Variants in LRP1B observed in about 807,000 individuals in gnomAD.
The protein encoded by LRP1B is LDL receptor related protein 1B.
A neutral mutation model predicts 556.6 loss-of-function variants in LRP1B; 217 were observed. The ratio of observed to expected loss-of-function variants is 0.39; its 90% CI spans 0.35 to 0.44. The LOEUF (loss-of-function observed/expected upper bound fraction) is 0.44, where lower values mean the gene tolerates loss of function less well. Among genes scored for constraint, LRP1B ranks in the 20% least tolerant of loss-of-function variants. LRP1B has a pLI of 1.00. For missense variants in LRP1B, 5,053 were observed against 5,620.8 expected, an observed-to-expected ratio of 0.90 and a Z score of 3.23; for synonymous variants, 2,047 against 1,865.8, an observed-to-expected ratio of 1.10 and a Z score of -2.50.
In LRP1B at chr2:141,566,811, A is replaced by T. The variant is rs374096579; in HGVS notation, c.206-86278T>A. Among the ~76,000 whole-genome samples the T allele has an allele frequency of 5.9e-5, 9 of 152,124 alleles. No homozygotes were observed. The East Asian group carries it at 1.7e-3, about 29-fold the overall frequency. ...GTGTTTGAGGCTGCAGTGAGGTATG[A>T]TCATGCCACTGCACTCCAGCTTGGA... On this transcript the variant is annotated intron_variant, in intron 2 of 90. Coordinates refer to ENST00000389484, the MANE Select transcript of LRP1B (RefSeq NM_018557.3).
At chr2:141,405,315 G>C (rs74900792) in intron 3 of LRP1B, among the ~76,000 whole-genome samples, 5,233 of 152,098 alleles carry the variant, frequency 0.034, 126 homozygotes, top group Middle Eastern at 0.088. Context: ...TTAGCAAATA[G>C]TACATTTTAA....
chr2:140,965,999 A>G (rs980833296), intron 18 of LRP1B, among the ~76,000 whole-genome samples: 1 of 152,190 alleles, frequency 6.6e-6, no homozygotes, highest in Non-Finnish European at 1.5e-5. Context: ...TATTGTGAAT[A>G]GTGCCACAAT....
At chr2:141,762,496 T>C (rs1395011913) in intron 2 of LRP1B, among the ~76,000 whole-genome samples, 1 of 152,014 alleles carries the variant, frequency 6.6e-6, no homozygotes, top group African/African-American at 2.4e-5. Flanking sequence ...TCTGATAGTA[T>C]AAAAATATGA....
intron 35 of LRP1B, among the ~76,000 whole-genome samples, chr2:140,752,452 G>A (rs1688614606): frequency 6.6e-6 from 1 of 151,466 alleles, no homozygotes; most frequent in Non-Finnish European, 1.5e-5. Context: ...AGCCTCCTGA[G>A]TAGCTGGGAT....
At chr2:140,544,883 T>C (rs964744965) in intron 43 of LRP1B, among the ~76,000 whole-genome samples, 1 of 152,094 alleles carries the variant, frequency 6.6e-6, no homozygotes, top group Non-Finnish European at 1.5e-5. Flanking sequence ...TTTTAGGCCT[T>C]TGAGAAATCA....
At chr2:141,247,414 C>A (rs2105328166) in intron 4 of LRP1B, 60 bp from the exon 5 acceptor site, 1 of 1,577,022 alleles carries the variant, frequency 6.3e-7, no homozygotes, top group Non-Finnish European at 8.6e-7. Flanking sequence ...TTTTTTTCTC[C>A]TTGAAGAAAA....
chr2:141,142,603 A>G (rs1701681839), intron 7 of LRP1B, among the ~76,000 whole-genome samples: 1 of 152,170 alleles, frequency 6.6e-6, no homozygotes, highest in Non-Finnish European at 1.5e-5. Context: ...TTTTATATTA[A>G]TATTCCAATG....
At chr2:140,346,273 C>T (rs1326122029) in intron 77 of LRP1B, among the ~76,000 whole-genome samples, 1 of 151,668 alleles carries the variant, frequency 6.6e-6, no homozygotes, top group Non-Finnish European at 1.5e-5. Flanking sequence ...ATTGTAGACT[C>T]ATATAATAAT....
intron 2 of LRP1B, among the ~76,000 whole-genome samples, chr2:141,655,746 G>C (rs1323792616): frequency 6.6e-6 from 1 of 151,926 alleles, no homozygotes; most frequent in Non-Finnish European, 1.5e-5. Context: ...CCATTTAATT[G>C]CTGGAGATAA....
chr2:140,433,606 C>G (rs1176654202), intron 66 of LRP1B, among the ~76,000 whole-genome samples: 1 of 152,042 alleles, frequency 6.6e-6, no homozygotes, highest in African/African-American at 2.4e-5. Context: ...TTTACACTTA[C>G]AACAAAATGA....
At chr2:140,420,621 G>A (rs1043420429) in intron 66 of LRP1B, among the ~76,000 whole-genome samples, 4 of 152,006 alleles carry the variant, frequency 2.6e-5, no homozygotes, top group East Asian at 1.9e-4. Flanking sequence ...ATCATAAATT[G>A]GTTAATGAAT....
At chr2:142,016,694 G>T (rs889324315) in intron 1 of LRP1B, among the ~76,000 whole-genome samples, 2 of 151,872 alleles carry the variant, frequency 1.3e-5, no homozygotes, top group African/African-American at 4.8e-5. Flanking sequence ...AGGGGCTAGG[G>T]GATGGATAGC....
At chr2:141,061,776 C>T (rs988335309) in intron 8 of LRP1B, among the ~76,000 whole-genome samples, 2 of 151,572 alleles carry the variant, frequency 1.3e-5, no homozygotes, top group South Asian at 2.1e-4. Context: ...TTCTTTCTTG[C>T]GAATATAGCA....
At chr2:140,537,541 C>T (rs771230313) in intron 45 of LRP1B, among the ~76,000 whole-genome samples, 4 of 151,828 alleles carry the variant, frequency 2.6e-5, no homozygotes, top group Non-Finnish European at 2.9e-5. Flanking sequence ...GGGAGGTTCC[C>T]GGGAGCAGAC....
At chr2:141,488,107 T>C (rs1287150395) in intron 2 of LRP1B, among the ~76,000 whole-genome samples, 1 of 152,168 alleles carries the variant, frequency 6.6e-6, no homozygotes, top group Non-Finnish European at 1.5e-5. Flanking sequence ...ACAGGCCTCA[T>C]TGTATAGTTT....
At position 140,415,866 on chromosome 2, in the gene LRP1B, C is replaced by T. The variant is rs1388076813; in HGVS notation, c.10414+26638G>A. 3.3e-5 allele frequency among the ~76,000 whole-genome samples: 5 copies of T among 152,202 alleles called. No homozygotes were observed. The East Asian group carries it at 9.6e-4, about 29-fold the overall frequency. On this transcript the variant is annotated intron_variant, in intron 66 of 90. Transcript: ENST00000389484. ...TAGAAAAGAAATGATGATAGTTGGTCTTGGTCCAGTTATAGAAGTTGCAAA... is the reference window on the plus strand; with the variant it reads ...TAGAAAAGAAATGATGATAGTTGGTTTTGGTCCAGTTATAGAAGTTGCAAA...
At chr2:140,982,106 G>T in intron 18 of LRP1B, 54 bp downstream of exon 18, 1 of 1,360,716 alleles carries the variant, frequency 7.3e-7, no homozygotes, top group Non-Finnish European at 1.0e-6. Context: ...TGTAGTGGTA[G>T]GGTATCCTAT....
intron 20 of LRP1B, among the ~76,000 whole-genome samples, chr2:140,932,886 TACACACAC>T (rs373649277): frequency 2.4e-5 from 3 of 127,550 alleles, no homozygotes; most frequent in African/African-American, 5.7e-5. Context: ...TCTCTCCCTA[TACACACAC>T]ACACACACAC....
chr2:140,914,965 G>A (rs997265169), intron 21 of LRP1B, among the ~76,000 whole-genome samples: 4 of 152,146 alleles, frequency 2.6e-5, no homozygotes, highest in African/African-American at 4.8e-5. Context: ...ATCAGAAAGC[G>A]ATAATGTAGA....
Sources: allele counts gnomAD v4.1 joint callset (sites outside exome capture counted in the v4.1 genomes callset), GRCh38; gene constraint gnomAD v4.1.1; transcripts MANE v1.5; gene names NCBI Gene and HGNC (gene_info 2026-07-23, HGNC 2026-07-21).